Variants in SLAIN2 observed in about 807,000 individuals in gnomAD.
The protein encoded by SLAIN2 is SLAIN motif-containing protein 2.
Under a neutral mutation model 56.6 loss-of-function variants are expected in SLAIN2, and 31 were observed. The observed-to-expected ratio is 0.55, with a 90% CI of 0.41 to 0.74. The LOEUF (loss-of-function observed/expected upper bound fraction) is 0.74. Among genes scored for constraint, SLAIN2 ranks in the 30% least tolerant of loss-of-function variants. The pLI is 0.00. For missense variants in SLAIN2, 777 were observed against 754.2 expected, an observed-to-expected ratio of 1.03 and a Z score of -0.35; for synonymous variants, 317 against 284.9, an observed-to-expected ratio of 1.11 and a Z score of -1.13.
intron 7 of SLAIN2, 131 bp from the exon 8 acceptor site, chr4:48,421,880 C>G: frequency 1.4e-6 from 1 of 705,942 alleles, no homozygotes; most frequent in Non-Finnish European, 2.4e-6. Context: ...CTGTTTAGAG[C>G]TTAGGACTTG....
chr4:48,407,862 C>T (rs1401113040), intron 6 of SLAIN2, among the ~76,000 whole-genome samples: 4 of 152,318 alleles, frequency 2.6e-5, no homozygotes, highest in Non-Finnish European at 4.4e-5. Flanking sequence ...TTCCTCACTT[C>T]TTCCAGCCCC....
Position 48,381,075 on chromosome 4 carries a change from G to A in SLAIN2, c.862+1227G>A, listed in dbSNP as rs536274107. ...GGTATTGTCAGCTGGTTAGGGGGTG[G>A]TTATTGTTGTGGATGTGAAAAAATA... On this transcript the variant is annotated intron_variant, in intron 4 of 7. Transcript: ENST00000264313. 4.1e-4 allele frequency among the ~76,000 whole-genome samples: 63 copies of A among 152,188 alleles called. 1 individual carries two copies. Among genetic ancestry groups the A allele is most frequent in the African/African-American group, 1.5e-3 (61 of 41,534 alleles).
intron 3 of SLAIN2, 87 bp downstream of exon 3, chr4:48,378,147 G>A (rs1715877640): frequency 7.1e-7 from 1 of 1,416,366 alleles, no homozygotes; most frequent in South Asian, 1.4e-5. Context: ...TGCAGTTCGA[G>A]TTCATTTTAT....
intron 1 of SLAIN2, among the ~76,000 whole-genome samples, chr4:48,360,600 A>T (rs1715298764): frequency 6.6e-6 from 1 of 152,132 alleles, no homozygotes; most frequent in East Asian, 1.9e-4. Flanking sequence ...TCCAAAAAAA[A>T]TTAAAAAAAA....
intron 6 of SLAIN2, among the ~76,000 whole-genome samples, chr4:48,406,525 C>CTTTTT (rs34797619): frequency 1.5e-5 from 2 of 135,100 alleles, no homozygotes; most frequent in East Asian, 2.1e-4. Flanking sequence ...CTCTCTCTCT[C>CTTTTT]TTTTTTTTTT....
intron 6 of SLAIN2, among the ~76,000 whole-genome samples, chr4:48,418,141 T>C (rs373643492): frequency 2.8e-4 from 42 of 149,078 alleles, no homozygotes; most frequent in South Asian, 8.3e-4. Context: ...CCTTCCTCCT[T>C]CTTTCTCCTT....
intron 1 of SLAIN2, among the ~76,000 whole-genome samples, chr4:48,362,829 T>C (rs1195990188): frequency 1.8e-5 from 2 of 109,756 alleles, no homozygotes; most frequent in African/African-American, 3.6e-5. Context: ...GGCAGGGTCA[T>C]GGGACAATAG....
At chr4:48,360,021 G>T (rs1715275408) in intron 1 of SLAIN2, among the ~76,000 whole-genome samples, 1 of 152,062 alleles carries the variant, frequency 6.6e-6, no homozygotes, top group Non-Finnish European at 1.5e-5. Context: ...GGGCATGGTA[G>T]TGCGCACCTA....
chr4:48,352,766 A>G (rs1187143191), intron 1 of SLAIN2, among the ~76,000 whole-genome samples: 1 of 152,194 alleles, frequency 6.6e-6, no homozygotes, highest in Admixed American at 6.5e-5. Flanking sequence ...ACTTTGCTCC[A>G]TTTACATTTT....
At chr4:48,350,611 G>C (rs1311529065) in intron 1 of SLAIN2, among the ~76,000 whole-genome samples, 1 of 152,086 alleles carries the variant, frequency 6.6e-6, no homozygotes, top group Non-Finnish European at 1.5e-5. Context: ...AGGTTTTAAG[G>C]CTTTGGTAAT....
chr4:48,384,635 A>C (rs917429859), intron 6 of SLAIN2, among the ~76,000 whole-genome samples: 1 of 152,222 alleles, frequency 6.6e-6, no homozygotes, highest in Non-Finnish European at 1.5e-5. Context: ...GAACACATGT[A>C]GATTATAATT....
chr4:48,416,592 A>G (rs1717001810), intron 6 of SLAIN2, among the ~76,000 whole-genome samples: 1 of 148,934 alleles, frequency 6.7e-6, no homozygotes, highest in Admixed American at 6.7e-5. Context: ...AACTTCCAAC[A>G]CTATGTTGAA....
chr4:48,414,001 T>C (rs1178210737), intron 6 of SLAIN2, among the ~76,000 whole-genome samples: 3 of 152,176 alleles, frequency 2.0e-5, no homozygotes, highest in Non-Finnish European at 4.4e-5. Context: ...AGCACAATTA[T>C]TAAATACTTA....
chr4:48,405,087 GT>G (rs956131971), intron 6 of SLAIN2, among the ~76,000 whole-genome samples: 22 of 152,056 alleles, frequency 1.4e-4, no homozygotes, highest in Non-Finnish European at 2.4e-4. Flanking sequence ...ATGATTTCTG[GT>G]TTATAAATCT....
intron 1 of SLAIN2, among the ~76,000 whole-genome samples, chr4:48,363,976 A>AT (rs1715430907): frequency 4.6e-5 from 4 of 87,512 alleles, no homozygotes; most frequent in East Asian, 3.4e-4. Context: ...CAGGGGGCTG[A>AT]CCCCCCCCAC....
intron 6 of SLAIN2, among the ~76,000 whole-genome samples, chr4:48,401,892 G>A (rs1182551187): frequency 1.3e-5 from 2 of 152,180 alleles, no homozygotes; most frequent in Non-Finnish European, 2.9e-5. Flanking sequence ...GTGTGTTTTT[G>A]TAGTGGCTGG....
At position 48,418,138 on chromosome 4, in the gene SLAIN2, CCTTCTTTCTCCTTCCTT is replaced by C. The variant is rs59567230; in HGVS notation, c.1361-1984_1361-1968del. On this transcript the variant is annotated intron_variant, in intron 6 of 7. Coordinates refer to ENST00000264313, the MANE Select transcript of SLAIN2 (RefSeq NM_020846.2). The stretch of plus-strand genomic sequence containing the variant: ...TCCTTCCTCCTTCTTTCTCCTTCCT[CCTTCTTTCTCCTTCCTT>C]CTCCCTCTTCTTCTTTTTTTTTTTT... Among the ~76,000 whole-genome samples the C allele has an allele frequency of 9.5e-3, 1,437 of 151,338 alleles. 21 individuals are homozygous for C. Among genetic ancestry groups the C allele is most frequent in the African/African-American group, 0.033 (1,365 of 41,260 alleles).
intron 1 of SLAIN2, among the ~76,000 whole-genome samples, chr4:48,365,652 C>T (rs1715494836): frequency 6.6e-6 from 1 of 151,904 alleles, no homozygotes; most frequent in African/African-American, 2.4e-5. Context: ...CCTCCACCTC[C>T]CGGGTTCAAA....
At chr4:48,344,104 G>A (rs1458542738) in intron 1 of SLAIN2, among the ~76,000 whole-genome samples, 5 of 152,184 alleles carry the variant, frequency 3.3e-5, no homozygotes, top group African/African-American at 9.7e-5. Context: ...GGTAAAGCAA[G>A]TCTTCCTTAA....
Sources: gnomAD v4.1 joint callset for allele counts (sites outside exome capture counted in the v4.1 genomes callset) on GRCh38, gnomAD v4.1.1 for gene constraint, MANE v1.5 for transcripts, NCBI Gene and HGNC (gene_info 2026-07-23, HGNC 2026-07-21) for gene names.